Variants in HFM1 observed in about 807,000 individuals in gnomAD.
HFM1 encodes the protein probable ATP-dependent DNA helicase HFM1.
Under a neutral mutation model 192.1 loss-of-function variants are expected in HFM1, and 169 were observed. The ratio of observed to expected loss-of-function variants is 0.88; its 90% CI spans 0.78 to 1.00. HFM1 has a LOEUF of 1.00. HFM1 is among the 50% of genes least tolerant of loss of function. The pLI, the probability that HFM1 is intolerant of heterozygous loss-of-function variation, is 0.00. For synonymous variants in HFM1, 525 were observed against 537.8 expected, an observed-to-expected ratio of 0.98 and a Z score of 0.33; for missense variants, 1,661 against 1,668.0, an observed-to-expected ratio of 1.00 and a Z score of 0.07.
At chr1:91,316,326 T>C in intron 26 of HFM1, 65 bp downstream of exon 26, 1 of 1,100,682 alleles carries the variant, frequency 9.1e-7, no homozygotes, top group Non-Finnish European at 1.3e-6. Flanking sequence ...GGAAAATAAC[T>C]TTTAATAGAA....
chr1:91,289,215 T>C (rs192768474), intron 30 of HFM1, among the ~76,000 whole-genome samples: 29,845 of 149,376 alleles, frequency 0.2, 3,402 homozygotes, highest in Non-Finnish European at 0.26. Flanking sequence ...ACTCCTCAGT[T>C]CCAAGACGGG....
At position 91,390,762 on chromosome 1, in the gene HFM1, A is replaced by G. The variant is rs572586103; in HGVS notation, c.494+3331T>C. Among the ~76,000 whole-genome samples the G allele has an allele frequency of 3.3e-5, 5 of 152,336 alleles. No individual in the cohort carries two copies. In the South Asian group the frequency reaches 1.0e-3, roughly 32 times the overall value. On this transcript the variant is annotated intron_variant, in intron 4 of 38. Transcript: ENST00000370425. ...GTTGGAAGTTCTGGCCAGGGCAATC[A>G]GGTAGGAGAAAGAAATAATGGGTAT...
intron 20 of HFM1, among the ~76,000 whole-genome samples, chr1:91,339,792 A>G (rs1305694310): frequency 6.6e-6 from 1 of 152,130 alleles, no homozygotes; most frequent in East Asian, 1.9e-4. Context: ...AAATTCAGAA[A>G]ATTCAGAGAG....
chr1:91,297,979 C>A (rs1647955170), intron 30 of HFM1, among the ~76,000 whole-genome samples: 1 of 152,094 alleles, frequency 6.6e-6, no homozygotes, highest in African/African-American at 2.4e-5. Context: ...TTCAGATGAT[C>A]CAACTACTCC....
At chr1:91,342,180 A>T (rs1443012031) in intron 20 of HFM1, among the ~76,000 whole-genome samples, 1 of 151,710 alleles carries the variant, frequency 6.6e-6, no homozygotes, top group African/African-American at 2.4e-5. Context: ...ATGAACATAG[A>T]TGCAAAAATC....
rs760374666 is a variant in HFM1 at position 91,404,778 on chromosome 1, G to C, written c.-28+20C>G. 1 of 444,542 alleles carries C rather than the reference G, an allele frequency of 2.2e-6. No individual in the cohort carries two copies. Among genetic ancestry groups the C allele is most frequent in the South Asian group, 1.6e-5 (1 of 63,096 alleles). 27.5% of individuals were successfully genotyped at this position (444,542 alleles called of 1,614,324 possible). A position where few individuals can be genotyped will look rare whatever the true frequency, so the allele number is the denominator to read the frequency against. On this transcript the variant is annotated intron_variant, in intron 1 of 38. Transcript: ENST00000370425. ...CCCCGTCCCCACCTTCCCCGCGGGC[G>C]TCCGGGCCCCTCTCCTCACCTCCCT...
chr1:91,269,055 AT>A (rs1023585132), intron 34 of HFM1, among the ~76,000 whole-genome samples: 1 of 152,148 alleles, frequency 6.6e-6, no homozygotes, highest in Non-Finnish European at 1.5e-5. Context: ...AATCTACAAT[AT>A]TAAAATTTTA....
chr1:91,344,740 C>A (rs1190091311), intron 19 of HFM1, among the ~76,000 whole-genome samples: 2 of 111,184 alleles, frequency 1.8e-5, no homozygotes, highest in Non-Finnish European at 3.3e-5. Flanking sequence ...ATTTTCATTT[C>A]TTTTCTTTTC....
intron 20 of HFM1, among the ~76,000 whole-genome samples, chr1:91,330,831 T>C (rs1653720186): frequency 6.6e-6 from 1 of 152,186 alleles, no homozygotes; most frequent in South Asian, 2.1e-4. Context: ...ATCCCAGGGA[T>C]GCAAGGATAG....
At chr1:91,295,157 G>A (rs1647324579) in intron 30 of HFM1, among the ~76,000 whole-genome samples, 1 of 151,864 alleles carries the variant, frequency 6.6e-6, no homozygotes, top group South Asian at 2.1e-4. Context: ...TGACTTTTTG[G>A]ATATCCTCTA....
At chr1:91,288,363 ATTCTT>A (rs1668270443) in intron 30 of HFM1, among the ~76,000 whole-genome samples, 1 of 133,606 alleles carries the variant, frequency 7.5e-6, no homozygotes, top group Non-Finnish European at 1.6e-5. Context: ...AATATTCAAC[ATTCTT>A]TTTTTTTTTT....
intron 19 of HFM1, among the ~76,000 whole-genome samples, chr1:91,344,570 T>C (rs1655853002): frequency 6.6e-6 from 1 of 152,164 alleles, no homozygotes; most frequent in African/African-American, 2.4e-5. Context: ...AGAACTTATA[T>C]TTTACAGAAG....
rs760123462 is a variant in HFM1, at chr1:91,378,109, A to C, written c.1311T>G (p.Ser437=). ...VVVSRMKTVQ[S]VSQTLKNTST... ...TGGTATTTTTTAAAGTCTGAGAAAC[A>C]GACTGTACAGTTTTCATTCTGCTAA... is the stretch of plus-strand genomic sequence containing the variant. The change falls in exon 11 of 39, where the codon TCT becomes TCG. Residue 437 remains serine (S), a synonymous_variant. Coordinates refer to ENST00000370425, the MANE Select transcript of HFM1 (RefSeq NM_001017975.6). 3.7e-6 allele frequency: 6 copies of C among 1,611,668 alleles called. No individual in the cohort carries two copies. The highest frequency in any genetic ancestry group is 5.1e-6 in the Non-Finnish European group (6 of 1,178,624).
intron 4 of HFM1, among the ~76,000 whole-genome samples, chr1:91,389,306 C>T (rs570805970): frequency 2.3e-4 from 35 of 151,862 alleles, no homozygotes; most frequent in African/African-American, 2.9e-4. Flanking sequence ...GGATTACAGG[C>T]GCATGCCACC....
intron 30 of HFM1, among the ~76,000 whole-genome samples, chr1:91,309,380 T>C (rs1570900864): frequency 6.6e-6 from 1 of 152,226 alleles, no homozygotes; most frequent in East Asian, 1.9e-4. Flanking sequence ...TTTACATTAT[T>C]ATAAAACAAA....
intron 3 of HFM1, among the ~76,000 whole-genome samples, chr1:91,395,801 T>C (rs1023248628): frequency 1.3e-5 from 2 of 152,108 alleles, no homozygotes; most frequent in Admixed American, 6.6e-5. Context: ...ATGAACTGTA[T>C]GGGTTTGGCT....
chr1:91,263,227 G>A (rs1305631749), intron 36 of HFM1, among the ~76,000 whole-genome samples: 2 of 152,086 alleles, frequency 1.3e-5, no homozygotes, highest in African/African-American at 4.8e-5. Context: ...ATAGTGTGGA[G>A]CCATAAGCCC....
At chr1:91,273,210 T>C (rs1348857200) in intron 34 of HFM1, among the ~76,000 whole-genome samples, 2 of 151,970 alleles carry the variant, frequency 1.3e-5, no homozygotes, top group African/African-American at 4.8e-5. Context: ...TAACATAGAA[T>C]TGTAAGAATC....
At chr1:91,362,553 C>CA (rs1484332308) in intron 13 of HFM1, among the ~76,000 whole-genome samples, 1 of 152,082 alleles carries the variant, frequency 6.6e-6, no homozygotes, top group Non-Finnish European at 1.5e-5. Flanking sequence ...TGGATACAAG[C>CA]AAATAGAGAA....
Sources: allele counts gnomAD v4.1 joint callset (sites outside exome capture counted in the v4.1 genomes callset), GRCh38; gene constraint gnomAD v4.1.1; transcripts MANE v1.5; gene names NCBI Gene and HGNC (gene_info 2026-07-23, HGNC 2026-07-21).